SGSM1: variants seen among roughly 807,000 people sequenced by gnomAD.
The protein encoded by SGSM1 is RUN and TBC1 domain containing 2.
Under a neutral mutation model 133.8 loss-of-function variants are expected in SGSM1, and 73 were observed. That is an observed-to-expected ratio of 0.55 (90% confidence interval 0.45 to 0.66). The LOEUF is 0.66. SGSM1 is among the 30% of genes least tolerant of loss of function. The probability of loss-of-function intolerance (pLI) is 0.00; values close to 1 mark genes in which losing one functional copy is unlikely to be tolerated. For synonymous variants in SGSM1, 563 were observed against 573.0 expected (o/e 0.98, Z 0.25); for missense variants, 1,213 against 1,448.1 (o/e 0.84, Z 2.64).
chr22:24,810,185 C>T (rs746464713), intron 2 of SGSM1, among the ~76,000 whole-genome samples: 7 of 152,142 alleles, frequency 4.6e-5, no homozygotes, highest in Non-Finnish European at 1.0e-4. Context: ...AATTGCTGGC[C>T]TGTTCACTGC....
At chr22:24,913,004 A>G (rs1933689054) in intron 22 of SGSM1, among the ~76,000 whole-genome samples, 1 of 152,210 alleles carries the variant, frequency 6.6e-6, no homozygotes, top group Non-Finnish European at 1.5e-5. Context: ...TAATGATTTT[A>G]TAGTGCTTAG....
chr22:24,893,721 A>G lies in SGSM1; in HGVS notation c.1953+108A>G, dbSNP rs907822712. ...GACTGGGTGTCTGGGGCCTGGTGAC[A>G]GTCTCACCCCTGGCTTTTTCTTTAA... On this transcript the variant is annotated intron_variant, in intron 17 of 24. Coordinates refer to ENST00000400358, the MANE Select transcript of SGSM1 (RefSeq NM_001098497.3). The G allele has an allele frequency of 5.7e-6, 7 of 1,228,174 alleles. No individual in the cohort carries two copies. In the African/African-American group the frequency reaches 7.9e-5, roughly 14 times the overall value. 76.1% of individuals were successfully genotyped at this position (1,228,174 alleles called of 1,614,324 possible).
intron 9 of SGSM1, 43 bp from the exon 10 acceptor site, chr22:24,867,050 G>T: frequency 6.2e-7 from 1 of 1,600,016 alleles, no homozygotes; most frequent in South Asian, 1.1e-5. Flanking sequence ...GCACAGTGGG[G>T]TAGGCAGAAG....
chr22:24,838,306 C>T (rs952166167), intron 2 of SGSM1, among the ~76,000 whole-genome samples: 1 of 152,200 alleles, frequency 6.6e-6, no homozygotes, highest in Admixed American at 6.5e-5. Flanking sequence ...TTGGGTGCTG[C>T]AGCTGAAGAG....
chr22:24,899,852 C>A (rs1476287768), intron 19 of SGSM1, among the ~76,000 whole-genome samples: 1 of 152,054 alleles, frequency 6.6e-6, no homozygotes, highest in Non-Finnish European at 1.5e-5. Flanking sequence ...CTTTGTCCTT[C>A]TGTGCTGAAT....
intron 2 of SGSM1, chr22:24,843,653 T>C (rs1929928741): frequency 4.6e-5 from 7 of 152,230 alleles, no homozygotes; most frequent in Admixed American, 4.6e-4. Context: ...TTTGCTTAAA[T>C]CCTACAATGA....
At chr22:24,845,949 C>CTTTTCTTTTCTTTTCTTTTCT (rs1220528542) in intron 3 of SGSM1, among the ~76,000 whole-genome samples, 8 of 56,070 alleles carry the variant, frequency 1.4e-4, no homozygotes, top group East Asian at 1.0e-3. Flanking sequence ...TCTTTTCTTT[C>CTTTTCTTTTCTTTTCTTTTCT]TTTCTTTCTT....
At chr22:24,836,013 A>G (rs1317571240) in intron 2 of SGSM1, among the ~76,000 whole-genome samples, 1 of 152,216 alleles carries the variant, frequency 6.6e-6, no homozygotes, top group African/African-American at 2.4e-5. Flanking sequence ...TTAAGTGTAC[A>G]ATTCAGTCTT....
At chr22:24,876,547 T>G in intron 12 of SGSM1, 30 bp from the exon 13 acceptor site, 2 of 1,613,358 alleles carry the variant, frequency 1.2e-6, no homozygotes, top group South Asian at 2.2e-5. Context: ...ACCAGGGTGA[T>G]TCTTCTGCCC....
chr22:24,815,542 A>G (rs1022315441), intron 2 of SGSM1, among the ~76,000 whole-genome samples: 18 of 152,176 alleles, frequency 1.2e-4, no homozygotes, highest in African/African-American at 4.3e-4. Context: ...GGAGATCAGG[A>G]CCATCCTGGA....
chr22:24,901,809 A>G, intron 19 of SGSM1, 24 bp from the exon 20 acceptor site: 5 of 1,609,018 alleles, frequency 3.1e-6, no homozygotes, highest in Non-Finnish European at 4.2e-6. Context: ...TCTTCCCCCT[A>G]CCCCCTGCCC....
At position 24,844,893 on chromosome 22, in the gene SGSM1, C is replaced by A. The variant is rs1324698005; in HGVS notation, c.64-4C>A. 2.5e-6 allele frequency: 4 copies of A among 1,613,590 alleles called. No individual in the cohort carries two copies. In the East Asian group the frequency reaches 8.9e-5, roughly 36 times the overall value. ...CTTCCCCTCCGGTCACCTTTGCCTT[C>A]CAGGTGAAGCAGATCATGGAGGAGG... On this transcript the variant is annotated splice_region_variant and splice_polypyrimidine_tract_variant and intron_variant, in intron 2 of 24. Coordinates refer to ENST00000400358, the MANE Select transcript of SGSM1 (RefSeq NM_001098497.3).
Position 24,897,064 on chromosome 22 carries a change from A to T in SGSM1, c.2023-908A>T, listed in dbSNP as rs569990279. Among the ~76,000 whole-genome samples, 9 of 152,130 alleles carry T rather than the reference A, an allele frequency of 5.9e-5. No individual in the cohort carries two copies. The South Asian group carries it at 1.9e-3, about 32-fold the overall frequency. On this transcript the variant is annotated intron_variant, in intron 18 of 24. Coordinates refer to ENST00000400358, the MANE Select transcript of SGSM1 (RefSeq NM_001098497.3). ...AAAGTTATTGTCTCCCCTTATTTTG[A>T]TTCCCTAGTACCCCCTTCTCAGAGT...
chr22:24,825,412 C>T lies in SGSM1; in HGVS notation c.63+18928C>T, dbSNP rs142268362. Among the ~76,000 whole-genome samples the T allele has an allele frequency of 2.7e-3, 414 of 152,124 alleles. 2 individuals are homozygous for T. Among genetic ancestry groups the T allele is most frequent in the African/African-American group, 9.4e-3 (390 of 41,494 alleles). ...CTCTTCTCCCCGCTGTGCTCACTTACTAAGTTATTTTTATTATTTATGTTT... is the reference window on the plus strand; with the variant it reads ...CTCTTCTCCCCGCTGTGCTCACTTATTAAGTTATTTTTATTATTTATGTTT... On this transcript the variant is annotated intron_variant, in intron 2 of 24. Transcript: ENST00000400358.
chr22:24,911,289 C>CTTTTTTTT (rs139761), intron 21 of SGSM1, among the ~76,000 whole-genome samples: 2 of 128,554 alleles, frequency 1.6e-5, no homozygotes, highest in Non-Finnish European at 3.2e-5. Context: ...TAATTCCCCA[C>CTTTTTTTT]TTTTTTTTTT....
At chr22:24,902,461 C>T (rs923704741) in intron 20 of SGSM1, among the ~76,000 whole-genome samples, 2 of 152,160 alleles carry the variant, frequency 1.3e-5, no homozygotes, top group South Asian at 2.1e-4. Context: ...TCTTCACAGA[C>T]TTCAAAAAAG....
chr22:24,821,994 A>G (rs1051508587), intron 2 of SGSM1, among the ~76,000 whole-genome samples: 15 of 151,518 alleles, frequency 9.9e-5, no homozygotes, highest in African/African-American at 3.6e-4. Context: ...GGCTTAGACA[A>G]ATGTCTGAGG....
Position 24,912,628 on chromosome 22 carries a change from G to A in SGSM1, c.2819-15G>A, listed in dbSNP as rs1283512518. The A allele has an allele frequency of 6.3e-7, 1 of 1,581,586 alleles. No homozygotes were observed. The highest frequency in any genetic ancestry group is 8.7e-7 in the Non-Finnish European group (1 of 1,154,140). ...GGGCAGCGGGGCATCTGACTGTTCT[G>A]TGATGCTTTCTCAGAGGCCCTTGCC... On this transcript the variant is annotated splice_polypyrimidine_tract_variant and intron_variant, in intron 21 of 24. Coordinates refer to ENST00000400358, the MANE Select transcript of SGSM1 (RefSeq NM_001098497.3).
intron 23 of SGSM1, among the ~76,000 whole-genome samples, chr22:24,918,897 C>T (rs1933910882): frequency 1.3e-5 from 2 of 151,932 alleles, no homozygotes; most frequent in Non-Finnish European, 2.9e-5. Context: ...CGCCTCCATA[C>T]CTGGCTAATT....
Sources: gnomAD v4.1 joint callset for allele counts (sites outside exome capture counted in the v4.1 genomes callset) on GRCh38, gnomAD v4.1.1 for gene constraint, MANE v1.5 for transcripts, NCBI Gene and HGNC (gene_info 2026-07-23, HGNC 2026-07-21) for gene names.